The following PICALM variants were observed in gnomAD, a reference collection of about 807,000 sequenced individuals.
PICALM encodes phosphatidylinositol binding clathrin assembly protein.
A neutral mutation model predicts 80.5 loss-of-function variants in PICALM; 40 were observed. The ratio of observed to expected loss-of-function variants is 0.50; its 90% CI spans 0.39 to 0.65. The LOEUF (loss-of-function observed/expected upper bound fraction) is 0.65. Ranked by LOEUF, PICALM falls within the 30% of genes least tolerant of loss-of-function variation. The pLI is 0.00. For missense variants in PICALM, 676 were observed against 778.9 expected, an observed-to-expected ratio of 0.87 and a Z score of 1.57; for synonymous variants, 288 against 260.3, an observed-to-expected ratio of 1.11 and a Z score of -1.02.
At chr11:86,005,079 C>T (rs908192613) in intron 8 of PICALM, among the ~76,000 whole-genome samples, 1 of 152,186 alleles carries the variant, frequency 6.6e-6, no homozygotes, top group African/African-American at 2.4e-5. Context: ...GAAGTAGACA[C>T]TACTGGTATA....
intron 1 of PICALM, among the ~76,000 whole-genome samples, chr11:86,064,976 G>T (rs1418967007): frequency 6.6e-6 from 1 of 152,038 alleles, no homozygotes; most frequent in Admixed American, 6.5e-5. Context: ...CAGCTACTTG[G>T]GAGACTGATG....
At chr11:85,997,019 T>A in intron 11 of PICALM, 90 bp from the exon 12 acceptor site, 1 of 670,000 alleles carries the variant, frequency 1.5e-6, no homozygotes, top group Non-Finnish European at 2.6e-6. Flanking sequence ...GATAAAAACA[T>A]TAAAAACAAG....
intron 19 of PICALM, chr11:85,969,707 GAC>G: frequency 2.5e-6 from 1 of 403,452 alleles, no homozygotes; most frequent in Non-Finnish European, 4.9e-6. Context: ...TTAAAAAACA[GAC>G]AGTCTCACTA....
chr11:85,965,815 G>GTTT (rs914561533), intron 19 of PICALM, among the ~76,000 whole-genome samples: 5 of 108,154 alleles, frequency 4.6e-5, no homozygotes, highest in Admixed American at 1.1e-4. Flanking sequence ...TTGTTTTTTT[G>GTTT]TTTTTTTTTT....
chr11:86,054,791 T>C lies in PICALM; in HGVS notation c.130+13860A>G, dbSNP rs1350485385. ...ATCAAGTGTCACTCATTTTTTCTTTTTGAGACGGAGTTTCACTCTTGTTGC... is the reference window on the plus strand; with the variant it reads ...ATCAAGTGTCACTCATTTTTTCTTTCTGAGACGGAGTTTCACTCTTGTTGC... On this transcript the variant is annotated intron_variant, in intron 1 of 19. Transcript: ENST00000393346. Among the ~76,000 whole-genome samples, 3 of 152,160 alleles carry C rather than the reference T, an allele frequency of 2.0e-5. No individual in the cohort carries two copies. In the East Asian group the frequency reaches 5.8e-4, roughly 29 times the overall value.
At chr11:85,989,602 C>T (rs1024009761) in intron 13 of PICALM, among the ~76,000 whole-genome samples, 1 of 152,090 alleles carries the variant, frequency 6.6e-6, no homozygotes, top group African/African-American at 2.4e-5. Context: ...TTACTATTCC[C>T]TATATAACCT....
chr11:86,037,195 C>T (rs1390122315), intron 1 of PICALM, among the ~76,000 whole-genome samples: 16 of 149,390 alleles, frequency 1.1e-4, no homozygotes, highest in Admixed American at 5.3e-4. Context: ...CTACCCGCTT[C>T]GGCCTCCCAA....
In PICALM at chr11:86,014,955, C is replaced by T; in HGVS notation, c.461G>A (p.Gly154Glu). The T allele has an allele frequency of 6.3e-7, 1 of 1,578,816 alleles. No individual in the cohort carries two copies. Among genetic ancestry groups the T allele is most frequent in the African/African-American group, 1.4e-5 (1 of 73,426 alleles). ...TTCTGTGTTCATTGTTCTCATAACTCCATCAGCCCTGTTATGAAAAAACCA... is the reference window on the plus strand; with the variant it reads ...TTCTGTGTTCATTGTTCTCATAACTTCATCAGCCCTGTTATGAAAAAACCA... ...DFTKVKRGAD[G>E]VMRTMNTEKL... The change falls in exon 5 of 20, where the codon GGA (glycine) becomes GAA (glutamate). Residue 154 changes from glycine (G) to glutamate (E), a missense_variant. Physicochemically the swap from Gly to Glu is moderately conservative, Grantham distance 98. Around this residue, in one of 2 missense-constraint regions of PICALM, gnomAD observed 285 missense variants for 395.4 expected, o/e 0.72. Transcript: ENST00000393346.
chr11:86,014,785 G>A (rs752082989), intron 5 of PICALM, 85 bp downstream of exon 5: 18 of 674,406 alleles, frequency 2.7e-5, no homozygotes, highest in Non-Finnish European at 4.2e-5. Context: ...AAAAACTAGA[G>A]TCTGTGAAAA....
chr11:85,974,927 G>A (rs184790466), intron 18 of PICALM, 115 bp from the exon 19 acceptor site: 1 of 725,576 alleles, frequency 1.4e-6, no homozygotes, highest in South Asian at 1.5e-5. Context: ...GACTCAAAGG[G>A]TAACTTCCTC....
At chr11:85,972,974 G>A (rs1046687276) in intron 19 of PICALM, among the ~76,000 whole-genome samples, 39 of 152,204 alleles carry the variant, frequency 2.6e-4, no homozygotes, top group African/African-American at 9.4e-4. Context: ...TATAAATACT[G>A]TAAACACTCA....
intron 1 of PICALM, among the ~76,000 whole-genome samples, chr11:86,038,952 A>C (rs1399316457): frequency 6.6e-6 from 1 of 152,026 alleles, no homozygotes; most frequent in African/African-American, 2.4e-5. Context: ...TCTATTAAAA[A>C]TACAAAAATT....
intron 18 of PICALM, 89 bp from the exon 19 acceptor site, chr11:85,974,901 C>G (rs1392099269): frequency 1.1e-6 from 1 of 887,302 alleles, no homozygotes; most frequent in Non-Finnish European, 1.9e-6. Flanking sequence ...GATGACAGGT[C>G]CTAGTACCTT....
At position 85,990,415 on chromosome 11, in the gene PICALM, G is replaced by A; in HGVS notation, c.1259-16C>T. ...GAGAAAGGATCTGTGCAGTCCAAAT[G>A]TATTATAGCAAAATGAAGAAAGGAA... On this transcript the variant is annotated splice_polypyrimidine_tract_variant and intron_variant, in intron 12 of 19. Transcript: ENST00000393346. 2 of 1,496,744 alleles carry A rather than the reference G, an allele frequency of 1.3e-6. No homozygotes were observed. Among genetic ancestry groups the A allele is most frequent in the Non-Finnish European group, 1.8e-6 (2 of 1,103,720 alleles). The allele number at this position is 1,496,744 out of a possible 1,614,324, so 92.7% of individuals were successfully genotyped here.
chr11:85,970,940 A>G (rs2094090027), intron 19 of PICALM, among the ~76,000 whole-genome samples: 1 of 152,250 alleles, frequency 6.6e-6, no homozygotes, highest in Non-Finnish European at 1.5e-5. Context: ...GACTATTGCA[A>G]AACAAGTGTG....
chr11:85,976,490 G>A (rs2135589241), intron 18 of PICALM, 133 bp downstream of exon 18: 1 of 585,532 alleles, frequency 1.7e-6, no homozygotes, highest in East Asian at 2.8e-5. Flanking sequence ...CCAATGCTAT[G>A]GTTCTACTGC....
rs930104594 is a variant in PICALM at position 85,958,023 on chromosome 11, C to A, written c.*1023G>T. 2.2e-5 allele frequency: 5 copies of A among 225,914 alleles called. No homozygotes were observed. Among genetic ancestry groups the A allele is most frequent in the African/African-American group, 4.5e-5 (2 of 44,828 alleles). The allele number at this position is 225,914 out of a possible 1,614,324, so 14.0% of individuals were successfully genotyped here. ...AGAAAATGTTCAAGGACTTTGCCCC[C>A]CTTCCCTCCCCCTTGTAACACCTTC... On this transcript the variant is annotated 3_prime_UTR_variant, in exon 20 of 20. Transcript: ENST00000393346.
chr11:86,045,519 CAAAAAAAAAAA>C (rs71040207), intron 1 of PICALM, among the ~76,000 whole-genome samples: 58 of 47,804 alleles, frequency 1.2e-3, no homozygotes, highest in Middle Eastern at 0.017. Flanking sequence ...TCTTGAAATT[CAAAAAAAAAAA>C]AAAAAAAAAA....
chr11:86,003,676 GAA>G, intron 8 of PICALM: 1 of 353,636 alleles, frequency 2.8e-6, no homozygotes, highest in South Asian at 1.1e-4. Flanking sequence ...GTTAAGAACT[GAA>G]AACTATGTAA....
Sources: allele counts gnomAD v4.1 joint callset (sites outside exome capture counted in the v4.1 genomes callset), GRCh38; gene constraint gnomAD v4.1.1; regional missense constraint gnomAD v4.1.1; transcripts MANE v1.5; gene names NCBI Gene and HGNC (gene_info 2026-07-23, HGNC 2026-07-21).